Variants in IKZF2 observed in about 807,000 individuals in gnomAD.
IKZF2 encodes the protein IKAROS family zinc finger 2, also known as zinc finger protein Helios.
In IKZF2, 15 loss-of-function variants were observed where a neutral mutation model predicts 49.2. The observed-to-expected ratio is 0.30, with a 90% CI of 0.20 to 0.47. IKZF2 has a LOEUF of 0.47. IKZF2 is among the 20% of genes least tolerant of loss of function. The probability of loss-of-function intolerance (pLI) is 1.00; values close to 1 mark genes in which losing one functional copy is unlikely to be tolerated. For missense variants in IKZF2, 567 were observed against 664.6 expected (o/e 0.85, Z 1.61); for synonymous variants, 227 against 221.4 (o/e 1.03, Z -0.23).
At chr2:213,102,014 T>G (rs999897891) in intron 4 of IKZF2, among the ~76,000 whole-genome samples, 7 of 152,160 alleles carry the variant, frequency 4.6e-5, no homozygotes, top group Non-Finnish European at 1.0e-4. Context: ...ATTGTCACCA[T>G]GCAAGCAAAC....
At chr2:213,045,140 T>C (rs1258481806) in intron 6 of IKZF2, among the ~76,000 whole-genome samples, 2 of 152,176 alleles carry the variant, frequency 1.3e-5, no homozygotes, top group Non-Finnish European at 2.9e-5. Flanking sequence ...GAAATAATAA[T>C]TCTATGGATG....
intron 6 of IKZF2, among the ~76,000 whole-genome samples, chr2:213,046,711 T>C (rs72948213): frequency 0.017 from 2,614 of 152,254 alleles, 41 homozygotes; most frequent in Non-Finnish European, 0.028. Flanking sequence ...TGAGGATATA[T>C]CCTTCAGAAT....
At chr2:213,008,922 T>C (rs559284461) in intron 8 of IKZF2, among the ~76,000 whole-genome samples, 1 of 152,196 alleles carries the variant, frequency 6.6e-6, no homozygotes, top group South Asian at 2.1e-4. Context: ...TTAAAAGTCA[T>C]TATTAAAATA....
At chr2:213,142,774 A>G (rs1313441903) in intron 4 of IKZF2, among the ~76,000 whole-genome samples, 1 of 152,008 alleles carries the variant, frequency 6.6e-6, no homozygotes, top group Non-Finnish European at 1.5e-5. Context: ...AAATAGAGTA[A>G]TTACATGCCT....
intron 4 of IKZF2, among the ~76,000 whole-genome samples, chr2:213,060,059 C>T (rs934078065): frequency 6.6e-6 from 1 of 151,262 alleles, no homozygotes; most frequent in African/African-American, 2.4e-5. Flanking sequence ...TTTGCATTTA[C>T]ATGATGCATA....
intron 6 of IKZF2, among the ~76,000 whole-genome samples, chr2:213,024,473 A>G (rs754181401): frequency 2.0e-4 from 31 of 152,178 alleles, no homozygotes; most frequent in Non-Finnish European, 2.8e-4. Context: ...ATGTATTACA[A>G]ATTGTGGGCA....
At chr2:213,049,154 A>C (rs527413676) in intron 6 of IKZF2, among the ~76,000 whole-genome samples, 1 of 152,080 alleles carries the variant, frequency 6.6e-6, no homozygotes, top group South Asian at 2.1e-4. Context: ...TATGAAACAC[A>C]GCAAAGTTTC....
chr2:213,124,279 CACACA>C (rs1186020458), intron 4 of IKZF2, among the ~76,000 whole-genome samples: 4 of 146,536 alleles, frequency 2.7e-5, no homozygotes, highest in African/African-American at 1.1e-4. Context: ...CACACACACA[CACACA>C]CACACACACA....
intron 6 of IKZF2, among the ~76,000 whole-genome samples, chr2:213,033,329 T>C (rs1559185679): frequency 6.6e-6 from 1 of 152,216 alleles, no homozygotes; most frequent in East Asian, 1.9e-4. Context: ...TGTTAATATC[T>C]TGACCTTCTC....
chr2:213,053,635 G>A (rs1167027807), intron 5 of IKZF2, among the ~76,000 whole-genome samples: 1 of 152,172 alleles, frequency 6.6e-6, no homozygotes, highest in African/African-American at 2.4e-5. Context: ...CAAGATGGGA[G>A]TAGATTAAGG....
intron 4 of IKZF2, among the ~76,000 whole-genome samples, chr2:213,097,542 GATGAGTTATTCAA>G (rs1706156127): frequency 1.3e-5 from 2 of 152,026 alleles, no homozygotes; most frequent in African/African-American, 4.8e-5. Flanking sequence ...ATGTCCAGTA[GATGAGTTATTCAA>G]ATGACTTTTA....
chr2:213,081,286 G>A (rs1440590830), intron 4 of IKZF2: 2 of 154,308 alleles, frequency 1.3e-5, no homozygotes, highest in Non-Finnish European at 2.9e-5. Context: ...AAAAAGAATA[G>A]GTATGTAAGT....
At chr2:213,081,459 C>T (rs1162934259) in intron 4 of IKZF2, among the ~76,000 whole-genome samples, 1 of 151,978 alleles carries the variant, frequency 6.6e-6, no homozygotes, top group African/African-American at 2.4e-5. Context: ...GACAGAAAGT[C>T]AACAAATAAT....
chr2:213,042,670 A>C (rs949840866), intron 6 of IKZF2, among the ~76,000 whole-genome samples: 3 of 152,194 alleles, frequency 2.0e-5, no homozygotes, highest in African/African-American at 7.2e-5. Flanking sequence ...CATAAAAATT[A>C]GTGAAAAAAT....
intron 1 of IKZF2, 45 bp downstream of exon 1, chr2:213,151,363 GACAAA>G (rs1226775768): frequency 6.6e-6 from 1 of 152,240 alleles, no homozygotes; most frequent in Non-Finnish European, 1.5e-5. Context: ...TGAATCAGAA[GACAAA>G]ACAAGAGCTG....
At chr2:213,008,610 T>G (rs1695613888) in intron 8 of IKZF2, among the ~76,000 whole-genome samples, 1 of 152,150 alleles carries the variant, frequency 6.6e-6, no homozygotes, top group African/African-American at 2.4e-5. Context: ...GATGCCATCA[T>G]GAGAATGCAT....
At chr2:213,090,003 G>A (rs1705116109) in intron 4 of IKZF2, among the ~76,000 whole-genome samples, 1 of 152,140 alleles carries the variant, frequency 6.6e-6, no homozygotes. Context: ...CAGCTGGGGA[G>A]AGACCTCCTG....
Position 213,013,916 on chromosome 2 carries a change from C to A in IKZF2, c.731G>T (p.Cys244Phe), listed in dbSNP as rs765164280. The A allele has an allele frequency of 1.2e-5, 20 of 1,611,292 alleles. No homozygotes were observed. In the East Asian group the frequency reaches 4.0e-4, roughly 32 times the overall value. The part of the protein sequence containing the change: ...MSHHVPPMED[C>F]KEQEPIMDNN... ...GTCCATAATAGGCTCTTGTTCCTTA[C>A]AATCTTCCATAGGAGGTACTATACA... Residue 244 changes from cysteine (C) to phenylalanine (F), a missense_variant, in exon 8 of 9, where the codon TGT becomes TTT. Cys to Phe is a radical substitution (Grantham distance 205). This residue lies in a region of IKZF2 where 310 missense variants were observed against 326.9 expected (regional missense o/e 0.95). Coordinates refer to ENST00000434687, the MANE Select transcript of IKZF2 (RefSeq NM_001387220.1).
intron 4 of IKZF2, among the ~76,000 whole-genome samples, chr2:213,135,008 T>C (rs2060606210): frequency 6.6e-6 from 1 of 152,212 alleles, no homozygotes; most frequent in African/African-American, 2.4e-5. Context: ...CTCTTTCTTT[T>C]ATAGGCCTTA....
Sources: gnomAD v4.1 joint callset for allele counts (sites outside exome capture counted in the v4.1 genomes callset) on GRCh38, gnomAD v4.1.1 for gene constraint, gnomAD v4.1.1 regional missense constraint, MANE v1.5 for transcripts, NCBI Gene and HGNC (gene_info 2026-07-23, HGNC 2026-07-21) for gene names.